The following CRHBP variants were observed in gnomAD, a reference collection of about 807,000 sequenced individuals.
The protein encoded by CRHBP is corticotropin releasing hormone binding protein, also known as corticotropin-releasing hormone-binding protein.
In CRHBP, 19 loss-of-function variants were observed where a neutral mutation model predicts 34.9. The observed-to-expected ratio is 0.55, with a 90% CI of 0.38 to 0.80. The LOEUF is 0.80. CRHBP is among the 30% of genes least tolerant of loss of function. CRHBP has a pLI of 0.00. For synonymous variants in CRHBP, 154 were observed against 153.4 expected (o/e 1.00, Z -0.03); for missense variants, 328 against 409.2 (o/e 0.80, Z 1.71).
downstream of CRHBP, among the ~76,000 whole-genome samples, chr5:76,970,513 G>GA (rs5868848): frequency 0.39 from 58,484 of 151,870 alleles, 11,519 homozygotes; most frequent in East Asian, 0.57. Context: ...TTTAGCAAAT[G>GA]ATGAATAAAT....
chr5:76,972,475 G>A (rs959992800), downstream of CRHBP, among the ~76,000 whole-genome samples: 4 of 151,948 alleles, frequency 2.6e-5, no homozygotes, highest in African/African-American at 9.7e-5. Context: ...ACTCCAGCCT[G>A]GGCAACAGAG....
chr5:76,972,855 T>TA (rs1313345737), downstream of CRHBP, among the ~76,000 whole-genome samples: 1 of 152,198 alleles, frequency 6.6e-6, no homozygotes, highest in Non-Finnish European at 1.5e-5. Context: ...CAACCTCTCT[T>TA]ACAGTTAGGC....
intron 6 of CRHBP, among the ~76,000 whole-genome samples, chr5:76,968,195 TTTTTTTTTG>T (rs1285813902): frequency 7.8e-6 from 1 of 128,744 alleles, no homozygotes; most frequent in African/African-American, 3.3e-5. Flanking sequence ...TAAACAGGTG[TTTTTTTTTG>T]TTTTTTTTTT....
chr5:76,955,084 G>A (rs1745647403), intron 3 of CRHBP, among the ~76,000 whole-genome samples: 2 of 152,126 alleles, frequency 1.3e-5, no homozygotes, highest in South Asian at 4.1e-4. Flanking sequence ...AAATGTTCCA[G>A]GTAGCATACC....
At chr5:76,978,232 T>C (rs1416810061) in intron 3 of CRHBP, among the ~76,000 whole-genome samples, 4 of 152,194 alleles carry the variant, frequency 2.6e-5, no homozygotes, top group African/African-American at 9.6e-5. Flanking sequence ...AAACAACTGA[T>C]TTTCAATGTA....
At chr5:76,972,880 G>A (rs1222484692), downstream of CRHBP, among the ~76,000 whole-genome samples, 1 of 152,196 alleles carries the variant, frequency 6.6e-6, no homozygotes, top group Non-Finnish European at 1.5e-5. Flanking sequence ...TCACGTGACT[G>A]AATTATCACA....
chr5:76,974,228 G>T (rs1179482875), downstream of CRHBP, among the ~76,000 whole-genome samples: 1 of 151,208 alleles, frequency 6.6e-6, no homozygotes, highest in Non-Finnish European at 1.5e-5. Flanking sequence ...GGTTGGTCAG[G>T]CTGGTCTTGA....
chr5:76,971,157 G>T (rs139591191), downstream of CRHBP, among the ~76,000 whole-genome samples: 1 of 152,190 alleles, frequency 6.6e-6, no homozygotes, highest in East Asian at 1.9e-4. Context: ...GAAGTATAGC[G>T]TAGTGGTTAA....
At chr5:76,953,978 G>T (rs753739253) in intron 2 of CRHBP, 51 bp from the exon 3 acceptor site, 6 of 1,557,930 alleles carry the variant, frequency 3.9e-6, no homozygotes, top group Non-Finnish European at 5.2e-6. Flanking sequence ...CGAGGACGGC[G>T]CTGCGGCGGC....
chr5:76,958,435 C>T (rs967349104), intron 4 of CRHBP, among the ~76,000 whole-genome samples: 1 of 152,184 alleles, frequency 6.6e-6, no homozygotes, highest in South Asian at 2.1e-4. Context: ...GAACTACTAC[C>T]AGCTAGTATT....
chr5:76,953,791 G>T, intron 2 of CRHBP, 97 bp downstream of exon 2: 1 of 1,354,340 alleles, frequency 7.4e-7, no homozygotes, highest in Non-Finnish European at 1.0e-6. Flanking sequence ...CGGGGAAGGG[G>T]CTGGCCGGAA....
chr5:76,980,049 A>G (rs1172521111), intron 3 of CRHBP, among the ~76,000 whole-genome samples: 1 of 151,454 alleles, frequency 6.6e-6, no homozygotes, highest in Non-Finnish European at 1.5e-5. Flanking sequence ...CAGGAGATCG[A>G]GACCATCCTG....
intron 4 of CRHBP, among the ~76,000 whole-genome samples, chr5:76,958,223 T>C (rs1267854939): frequency 6.6e-6 from 1 of 152,116 alleles, no homozygotes; most frequent in African/African-American, 2.4e-5. Flanking sequence ...GCTGCCGAGC[T>C]GCATCCTAGG....
At position 76,954,103 on chromosome 5, in the gene CRHBP, T is replaced by G. The variant is rs1745626186; in HGVS notation, c.250T>G (p.Phe84Val). The G allele has an allele frequency of 6.2e-7, 1 of 1,613,954 alleles. No homozygotes were observed. The highest frequency in any genetic ancestry group is 8.5e-7 in the Non-Finnish European group (1 of 1,179,972). Reference sequence around the variant, plus strand: ...CCGGCCGCAGCTGCACTGCGCAGCCTTCTTCATCAGCGAGCCCGAGGAGTT... The same window carrying G: ...CCGGCCGCAGCTGCACTGCGCAGCCGTCTTCATCAGCGAGCCCGAGGAGTT... ...ADRPQLHCAAFFISEPEEFIT... is the reference protein window; with the variant it reads ...ADRPQLHCAAVFISEPEEFIT... Residue 84 changes from phenylalanine (F) to valine (V), a missense_variant, in exon 3 of 7, where the codon TTC (phenylalanine) becomes GTC (valine). Phe to Val is a conservative substitution (Grantham distance 50, BLOSUM62 -1). Around this residue, in one of 3 missense-constraint regions of CRHBP, gnomAD observed 173 missense variants for 172.2 expected, o/e 1.00. Coordinates refer to ENST00000274368, the MANE Select transcript of CRHBP (RefSeq NM_001882.4).
In CRHBP at chr5:76,955,815, C is replaced by A. The variant is rs981706398; in HGVS notation, c.496C>A (p.Pro166Thr). The A allele has an allele frequency of 9.9e-6, 16 of 1,614,046 alleles. No individual in the cohort carries two copies. The highest frequency in any genetic ancestry group is 1.4e-5 in the Non-Finnish European group (16 of 1,180,038). The change falls in exon 4 of 7, where the codon CCA becomes ACA. Residue 166 changes from proline to threonine, a missense_variant. This residue lies in a region of CRHBP where 144 missense variants were observed against 216.7 expected (regional missense o/e 0.66). Transcript: ENST00000274368. Reference protein sequence around the residue: ...VAMIFFRVHEPGNGFTLTIKT... With the variant: ...VAMIFFRVHETGNGFTLTIKT... Reference sequence around the variant, plus strand: ...CATGATCTTCTTCCGAGTCCATGAACCAGGAAATGGATTCACATTAACCAT... The same window carrying A: ...CATGATCTTCTTCCGAGTCCATGAAACAGGAAATGGATTCACATTAACCAT...
intron 5 of CRHBP, among the ~76,000 whole-genome samples, chr5:76,960,775 T>TG (rs1024948509): frequency 1.3e-5 from 2 of 151,832 alleles, no homozygotes; most frequent in African/African-American, 4.8e-5. Flanking sequence ...GTTTTTTGTT[T>TG]TTTTTTTGAG....
At chr5:76,955,589 A>T in intron 3 of CRHBP, 64 bp from the exon 4 acceptor site, 1 of 1,482,818 alleles carries the variant, frequency 6.7e-7, no homozygotes, top group Non-Finnish European at 9.2e-7. Context: ...CCCCCTTTTC[A>T]ACTCATTTCA....
At position 76,959,193 on chromosome 5, in the gene CRHBP, G is replaced by T. The variant is rs1178565204; in HGVS notation, c.693+304G>T. 6.6e-5 allele frequency among the ~76,000 whole-genome samples: 10 copies of T among 152,130 alleles called. No homozygotes were observed. The East Asian group carries it at 1.9e-3, about 29-fold the overall frequency. ...ATTACAATTGAACTCTCTTGTACTTGCCTCTTTTACAAAAATTCTCTCCTA... is the reference window on the plus strand; with the variant it reads ...ATTACAATTGAACTCTCTTGTACTTTCCTCTTTTACAAAAATTCTCTCCTA... On this transcript the variant is annotated intron_variant, in intron 5 of 6. Coordinates refer to ENST00000274368, the MANE Select transcript of CRHBP (RefSeq NM_001882.4).
In CRHBP at chr5:76,953,994, C is replaced by G. The variant is rs780816959; in HGVS notation, c.176-35C>G. The G allele has an allele frequency of 5.7e-6, 9 of 1,586,680 alleles. No individual in the cohort carries two copies. The Admixed American group carries it at 1.4e-4, about 25-fold the overall frequency. ...GAGGACGGCGCTGCGGCGGCTGCAGCCCGGGACTTATTGCCCCATGCCCTC... is the reference window on the plus strand; with the variant it reads ...GAGGACGGCGCTGCGGCGGCTGCAGGCCGGGACTTATTGCCCCATGCCCTC... On this transcript the variant is annotated intron_variant, in intron 2 of 6. Coordinates refer to ENST00000274368, the MANE Select transcript of CRHBP (RefSeq NM_001882.4).
Sources: allele counts gnomAD v4.1 joint callset (sites outside exome capture counted in the v4.1 genomes callset), GRCh38; gene constraint gnomAD v4.1.1; regional missense constraint gnomAD v4.1.1; transcripts MANE v1.5; gene names NCBI Gene and HGNC (gene_info 2026-07-23, HGNC 2026-07-21).